The following PHF21B variants were observed in gnomAD, a reference collection of about 807,000 sequenced individuals.
The protein encoded by PHF21B is PHD finger protein 4.
A neutral mutation model predicts 62.2 loss-of-function variants in PHF21B; 22 were observed. That is an observed-to-expected ratio of 0.35 (90% CI 0.25 to 0.51). PHF21B has a LOEUF of 0.51. PHF21B is among the 20% of genes least tolerant of loss of function. PHF21B has a pLI of 0.97. For synonymous variants in PHF21B, 341 were observed against 314.7 expected (o/e 1.08, Z -0.88); for missense variants, 701 against 707.9 (o/e 0.99, Z 0.11).
chr22:44,931,064 T>C (rs1267482289), intron 2 of PHF21B, among the ~76,000 whole-genome samples: 1 of 152,216 alleles, frequency 6.6e-6, no homozygotes, highest in Non-Finnish European at 1.5e-5. Context: ...TTTTCTTTCT[T>C]TCTTTTCAGA....
At chr22:44,931,611 C>A (rs1007692441) in intron 2 of PHF21B, among the ~76,000 whole-genome samples, 14 of 128,168 alleles carry the variant, frequency 1.1e-4, no homozygotes, top group South Asian at 2.4e-4. Context: ...TGAATGGCAT[C>A]ATGAACTAAG....
intron 2 of PHF21B, among the ~76,000 whole-genome samples, chr22:44,951,444 C>A (rs146212081): frequency 6.6e-6 from 1 of 152,348 alleles, no homozygotes; most frequent in African/African-American, 2.4e-5. Flanking sequence ...CACTCCTCAC[C>A]TCCTGCTGTG....
chr22:44,932,287 G>C (rs1026334585), intron 2 of PHF21B, among the ~76,000 whole-genome samples: 2 of 152,088 alleles, frequency 1.3e-5, no homozygotes, highest in East Asian at 3.9e-4. Context: ...TGCCTCTCTT[G>C]AGCCTGAGGT....
At chr22:44,951,749 CT>C (rs954233823) in intron 2 of PHF21B, among the ~76,000 whole-genome samples, 3 of 151,966 alleles carry the variant, frequency 2.0e-5, no homozygotes, top group Admixed American at 2.0e-4. Flanking sequence ...TGCTGAACAC[CT>C]TTTTTTTGGT....
chr22:44,913,401 C>T, intron 5 of PHF21B, among the ~76,000 whole-genome samples: 1 of 152,126 alleles, frequency 6.6e-6, no homozygotes, highest in East Asian at 1.9e-4. Context: ...GGTGTAGTGG[C>T]CAAAAGTCCC....
intron 2 of PHF21B, among the ~76,000 whole-genome samples, chr22:44,975,892 C>G (rs2072729372): frequency 6.6e-6 from 1 of 152,252 alleles, no homozygotes; most frequent in Non-Finnish European, 1.5e-5. Context: ...TTGGGTTGGG[C>G]ACAGTGGCTC....
At chr22:44,892,031 G>A (rs532291193) in intron 7 of PHF21B, among the ~76,000 whole-genome samples, 83 of 152,312 alleles carry the variant, frequency 5.4e-4, no homozygotes, top group African/African-American at 1.9e-3. Flanking sequence ...ACGGGGCCTT[G>A]GGTTGACTCC....
At chr22:44,964,860 T>G (rs936031346) in intron 2 of PHF21B, among the ~76,000 whole-genome samples, 1 of 152,218 alleles carries the variant, frequency 6.6e-6, no homozygotes, top group Non-Finnish European at 1.5e-5. Flanking sequence ...CAGTTGTCAG[T>G]GCAGCAGGTG....
chr22:44,940,358 A>G (rs1176681731), intron 2 of PHF21B, among the ~76,000 whole-genome samples: 2 of 152,222 alleles, frequency 1.3e-5, no homozygotes, highest in East Asian at 3.8e-4. Flanking sequence ...TAGCATTGCT[A>G]ATCTCCCGCC....
At chr22:44,940,766 G>T (rs913156561) in intron 2 of PHF21B, among the ~76,000 whole-genome samples, 1 of 152,080 alleles carries the variant, frequency 6.6e-6, no homozygotes, top group African/African-American at 2.4e-5. Context: ...CCAGAGCCCC[G>T]GTCAGCTGGA....
intron 2 of PHF21B, among the ~76,000 whole-genome samples, chr22:44,986,201 C>T (rs1457840810): frequency 6.6e-6 from 1 of 151,808 alleles, no homozygotes; most frequent in African/African-American, 2.4e-5. Context: ...GCATCACCGC[C>T]ACTACCATCA....
rs59610627 is a variant in PHF21B, at chr22:44,892,510, G to C, written c.960+947C>G. 2.4e-3 allele frequency among the ~76,000 whole-genome samples: 373 copies of C among 152,344 alleles called. 6 individuals carry two copies. In the East Asian group the frequency reaches 0.041, roughly 17 times the overall value. Reference sequence around the variant, plus strand: ...TCTGGGCAGTGGCCCAGACTAGCCCGCACCCTGGGAGGTGAGACAGCACTT... The same window carrying C: ...TCTGGGCAGTGGCCCAGACTAGCCCCCACCCTGGGAGGTGAGACAGCACTT... On this transcript the variant is annotated intron_variant, in intron 7 of 12. Coordinates refer to ENST00000313237, the MANE Select transcript of PHF21B (RefSeq NM_138415.5).
At chr22:44,991,296 G>A (rs988928647) in intron 2 of PHF21B, among the ~76,000 whole-genome samples, 13 of 152,150 alleles carry the variant, frequency 8.5e-5, no homozygotes, top group African/African-American at 2.7e-4. Flanking sequence ...GCCACTCCAC[G>A]GTGCAGTACA....
At chr22:44,890,308 C>T (rs1338900279) in intron 8 of PHF21B, among the ~76,000 whole-genome samples, 1 of 152,218 alleles carries the variant, frequency 6.6e-6, no homozygotes, top group Non-Finnish European at 1.5e-5. Flanking sequence ...TCTTTTTAAA[C>T]TGTAATCCAC....
At chr22:44,948,920 G>A (rs1417080878) in intron 2 of PHF21B, among the ~76,000 whole-genome samples, 1 of 152,214 alleles carries the variant, frequency 6.6e-6, no homozygotes, top group African/African-American at 2.4e-5. Flanking sequence ...GGTGATTCGC[G>A]TGGCTTATCC....
rs544830604 is a variant in PHF21B, at chr22:44,981,376, C to T, written c.120+27169G>A. Among the ~76,000 whole-genome samples the T allele has an allele frequency of 9.8e-5, 15 of 152,330 alleles. No homozygotes were observed. The South Asian group carries it at 3.1e-3, about 32-fold the overall frequency. On this transcript the variant is annotated intron_variant, in intron 2 of 12. Transcript: ENST00000313237. Reference sequence around the variant, plus strand: ...TGACCCCCTCAGACCTCTGCACTCCCCGCCTCACTCACCAAGTTGGAGTTT... The same window carrying T: ...TGACCCCCTCAGACCTCTGCACTCCTCGCCTCACTCACCAAGTTGGAGTTT...
intron 5 of PHF21B, among the ~76,000 whole-genome samples, chr22:44,902,634 C>G (rs986758371): frequency 6.6e-6 from 1 of 152,110 alleles, no homozygotes; most frequent in Non-Finnish European, 1.5e-5. Context: ...TTAATTCTCT[C>G]CAGTAATTTA....
intron 2 of PHF21B, among the ~76,000 whole-genome samples, chr22:44,945,682 T>A (rs937322055): frequency 6.8e-6 from 1 of 147,292 alleles, no homozygotes; most frequent in Non-Finnish European, 1.5e-5. Context: ...TTCCAGCACC[T>A]GACCAGTCTC....
chr22:44,957,382 G>A (rs1159432736), intron 2 of PHF21B, among the ~76,000 whole-genome samples: 1 of 152,244 alleles, frequency 6.6e-6, no homozygotes. Context: ...TGTAGAAGGA[G>A]TGAGAGAGAC....
Sources: gnomAD v4.1 joint callset for allele counts (sites outside exome capture counted in the v4.1 genomes callset) on GRCh38, gnomAD v4.1.1 for gene constraint, MANE v1.5 for transcripts, NCBI Gene and HGNC (gene_info 2026-07-23, HGNC 2026-07-21) for gene names.